Variants in NPY5R observed in about 807,000 individuals in gnomAD.
NPY5R encodes the protein neuropeptide Y receptor Y5.
Under a neutral mutation model 24.8 loss-of-function variants are expected in NPY5R, and 21 were observed. The observed-to-expected ratio is 0.85, with a 90% CI of 0.60 to 1.22. The LOEUF (loss-of-function observed/expected upper bound fraction) is 1.22, where lower values mean the gene tolerates loss of function less well. NPY5R is among the 50% of genes most tolerant of loss of function. The probability of loss-of-function intolerance (pLI) is 0.00; values close to 1 mark genes in which losing one functional copy is unlikely to be tolerated. For missense variants in NPY5R, 481 were observed against 521.3 expected, an observed-to-expected ratio of 0.92 and a Z score of 0.75; for synonymous variants, 175 against 183.0, an observed-to-expected ratio of 0.96 and a Z score of 0.35.
chr4:163,349,867 A>G (rs968528388), intron 3 of NPY5R, among the ~76,000 whole-genome samples: 10 of 152,320 alleles, frequency 6.6e-5, no homozygotes, highest in Non-Finnish European at 1.5e-4. Context: ...CTGTAATCCC[A>G]GCACTTTGGG....
At chr4:163,348,574 G>A (rs572570233) in intron 3 of NPY5R, among the ~76,000 whole-genome samples, 1 of 151,604 alleles carries the variant, frequency 6.6e-6, no homozygotes, top group Non-Finnish European at 1.5e-5. Flanking sequence ...GAGTCCAGGC[G>A]TTCAAGGTTA....
rs748094800 is a variant in NPY5R at position 163,351,530 on chromosome 4, T to C, written c.1257T>C (p.Cys419=). The change falls in exon 4 of 4, where the codon TGT becomes TGC. Residue 419 remains cysteine (C), a synonymous_variant. Transcript: ENST00000338566. The stretch of plus-strand genomic sequence containing the variant: ...ATTTGTTGGGCATGATGTCCTGTTG[T>C]CTTAATCCAATTCTATATGGGTTTC... ...ICHLLGMMSC[C]LNPILYGFLN... 1 of 1,612,228 alleles carries C rather than the reference T, an allele frequency of 6.2e-7. No homozygotes were observed. Among genetic ancestry groups the C allele is most frequent in the East Asian group, 2.2e-5 (1 of 44,856 alleles).
chr4:163,346,182 A>AT (rs1245937540), intron 2 of NPY5R, among the ~76,000 whole-genome samples: 12 of 152,168 alleles, frequency 7.9e-5, no homozygotes, highest in Admixed American at 7.9e-4. Context: ...CTAAGAGAGA[A>AT]TTTTTTAAAT....
intron 3 of NPY5R, chr4:163,349,358 G>A (rs777335118): frequency 2.1e-6 from 2 of 970,748 alleles, no homozygotes; most frequent in Admixed American, 1.2e-4. Flanking sequence ...GATAGTTTCT[G>A]CTTTTCCATT....
In NPY5R at chr4:163,351,549, G is replaced by A. The variant is rs1735500548; in HGVS notation, c.1276G>A (p.Gly426Arg). 6.2e-7 allele frequency: 1 copy of A among 1,608,986 alleles called. No individual in the cohort carries two copies. The highest frequency in any genetic ancestry group is 8.5e-7 in the Non-Finnish European group (1 of 1,175,474). Residue 426 changes from glycine (G) to arginine (R), a missense_variant, in exon 4 of 4, where the codon GGG becomes AGG. Transcript: ENST00000338566. Reference protein sequence around the residue: ...MSCCLNPILYGFLNNGIKADL... With the variant: ...MSCCLNPILYRFLNNGIKADL... ...CTGTTGTCTTAATCCAATTCTATAT[G>A]GGTTTCTTAATAATGGGATTAAAGC...
chr4:163,350,019 G>A (rs959373066), intron 3 of NPY5R, among the ~76,000 whole-genome samples: 1 of 150,992 alleles, frequency 6.6e-6, no homozygotes, highest in Non-Finnish European at 1.5e-5. Context: ...CAGGAGAATG[G>A]CGTGAACCCG....
chr4:163,347,136 A>AGG (rs1264591007), intron 2 of NPY5R, among the ~76,000 whole-genome samples: 1 of 152,228 alleles, frequency 6.6e-6, no homozygotes, highest in Non-Finnish European at 1.5e-5. Flanking sequence ...ACGATTGGTA[A>AGG]GAAATATTTA....
Position 163,350,466 on chromosome 4 carries a change from G to A in NPY5R, c.193G>A (p.Ala65Thr). 6.2e-7 allele frequency: 1 copy of A among 1,613,744 alleles called. No individual in the cohort carries two copies. Among genetic ancestry groups the A allele is most frequent in the Non-Finnish European group, 8.5e-7 (1 of 1,179,730 alleles). ...TATGGGGAATCTACTTATTTTAATG[G>A]CTCTCATGAAAAAGCGTAATCAGAA... ...GFMGNLLILM[A>T]LMKKRNQKTT... Residue 65 changes from alanine to threonine, a missense_variant, in exon 4 of 4, where the codon GCT becomes ACT. Transcript: ENST00000338566.
chr4:163,344,507 A>T (rs1271480940), intron 1 of NPY5R: 2 of 152,136 alleles, frequency 1.3e-5, no homozygotes, highest in Non-Finnish European at 2.9e-5. Flanking sequence ...GTCTCTGGCG[A>T]GGCCGGGGGC....
chr4:163,349,379 A>C (rs930102558), intron 3 of NPY5R: 2 of 903,094 alleles, frequency 2.2e-6, no homozygotes, highest in Non-Finnish European at 2.6e-6. Context: ...GCTTGTAAAT[A>C]AACAAGGTAG....
chr4:163,349,297 G>A (rs1735382412), intron 3 of NPY5R: 1 of 954,796 alleles, frequency 1.0e-6, no homozygotes. Context: ...AATACCTGCA[G>A]TGATGAAGTT....
chr4:163,351,987 T>C, downstream of NPY5R: 1 of 166,562 alleles, frequency 6.0e-6, no homozygotes, highest in Non-Finnish European at 1.4e-5. Context: ...TCGAGGAACT[T>C]TTAATTTCAA....
rs975481562 is a variant in NPY5R, at chr4:163,350,226, T to A, written c.-9-39T>A. The A allele has an allele frequency of 2.7e-6, 4 of 1,482,448 alleles. No individual in the cohort carries two copies. The East Asian group carries it at 9.1e-5, about 34-fold the overall frequency. The allele number at this position is 1,482,448 out of a possible 1,614,324, so 91.8% of individuals were successfully genotyped here. On this transcript the variant is annotated intron_variant, in intron 3 of 3. Coordinates refer to ENST00000338566, the MANE Select transcript of NPY5R (RefSeq NM_006174.4). Reference sequence around the variant, plus strand: ...TTAATTTAAAGTAGTCATGTAATGTTTTTTTGGTTGCTGACAAATGTCTTT... The same window carrying A: ...TTAATTTAAAGTAGTCATGTAATGTATTTTTGGTTGCTGACAAATGTCTTT...
At position 163,350,386 on chromosome 4, in the gene NPY5R, A is replaced by T. The variant is rs755174120; in HGVS notation, c.113A>T (p.Asp38Val). 3 of 1,613,962 alleles carry T rather than the reference A, an allele frequency of 1.9e-6. No individual in the cohort carries two copies. In the Admixed American group the frequency reaches 5.0e-5, roughly 27 times the overall value. ...TGGGATGACTATAAAAGCAGTGTAG[A>T]TGACTTACAGTATTTTCTGATTGGG... ...PVWDDYKSSVDDLQYFLIGLY... is the reference protein window; with the variant it reads ...PVWDDYKSSVVDLQYFLIGLY... Residue 38 changes from aspartate to valine, a missense_variant, in exon 4 of 4, where the codon GAT becomes GTT. Transcript: ENST00000338566.
rs1412898924 is a variant in NPY5R, at chr4:163,350,408, T to C, written c.135T>C (p.Ile45=). 6.2e-7 allele frequency: 1 copy of C among 1,613,882 alleles called. No individual in the cohort carries two copies. The highest frequency in any genetic ancestry group is 1.3e-5 in the African/African-American group (1 of 74,922). The change falls in exon 4 of 4, where the codon ATT becomes ATC. Residue 45 remains isoleucine, a synonymous_variant. Coordinates refer to ENST00000338566, the MANE Select transcript of NPY5R (RefSeq NM_006174.4). ...SSVDDLQYFL[I]GLYTFVSLLG... ...TAGATGACTTACAGTATTTTCTGAT[T>C]GGGCTCTATACATTTGTAAGTCTTC...
chr4:163,349,325 G>A, intron 3 of NPY5R: 1 of 979,656 alleles, frequency 1.0e-6, no homozygotes, highest in Non-Finnish European at 1.2e-6. Context: ...CATGTATTGG[G>A]ATGGATTCCA....
At chr4:163,349,106 C>T (rs190170015) in intron 3 of NPY5R, among the ~76,000 whole-genome samples, 63 of 152,244 alleles carry the variant, frequency 4.1e-4, no homozygotes, top group African/African-American at 1.3e-3. Context: ...TCCAGCATTG[C>T]GTCCACACAG....
In NPY5R at chr4:163,351,253, G is replaced by A. The variant is rs762534938; in HGVS notation, c.980G>A (p.Ser327Asn). 3.1e-6 allele frequency: 5 copies of A among 1,613,982 alleles called. No homozygotes were observed. The African/African-American group carries it at 5.3e-5, about 17-fold the overall frequency. Residue 327 changes from serine (S) to asparagine (N), a missense_variant, in exon 4 of 4, where the codon AGT becomes AAT. Transcript: ENST00000338566. Reference sequence around the variant, plus strand: ...GTAAGAAGTCAGCTCTCTTCATCCAGTAAGTTCATACCAGGGGTCCCCACT... The same window carrying A: ...GTAAGAAGTCAGCTCTCTTCATCCAATAAGTTCATACCAGGGGTCCCCACT... ...GSVRSQLSSS[S>N]KFIPGVPTCF...
chr4:163,350,223 T>C (rs962798022), intron 3 of NPY5R, 42 bp from the exon 4 acceptor site: 2 of 1,458,006 alleles, frequency 1.4e-6, no homozygotes, highest in Non-Finnish European at 1.8e-6. Flanking sequence ...AGTCATGTAA[T>C]GTTTTTTTGG....
Sources: allele counts gnomAD v4.1 joint callset (sites outside exome capture counted in the v4.1 genomes callset), GRCh38; gene constraint gnomAD v4.1.1; transcripts MANE v1.5; gene names NCBI Gene and HGNC (gene_info 2026-07-23, HGNC 2026-07-21).